A3GALT2: variants seen among roughly 807,000 people sequenced by gnomAD.
A3GALT2 encodes the protein alpha 1,3-galactosyltransferase 2.
Under a neutral mutation model 16.6 loss-of-function variants are expected in A3GALT2, and 14 were observed. That is an observed-to-expected ratio of 0.84 (90% CI 0.56 to 1.32). The LOEUF is 1.32. Ranked by LOEUF, A3GALT2 falls within the 40% of genes most tolerant of loss-of-function variation. The pLI, the probability that A3GALT2 is intolerant of heterozygous loss-of-function variation, is 0.00. For missense variants in A3GALT2, 600 were observed against 490.9 expected (o/e 1.22, Z -2.10); for synonymous variants, 253 against 218.0 (o/e 1.16, Z -1.42).
chr1:33,312,652 G>T, intron 2 of A3GALT2, 62 bp from the exon 3 acceptor site: 1 of 1,492,106 alleles, frequency 6.7e-7, no homozygotes, highest in Non-Finnish European at 9.1e-7. Context: ...CTGGCCAGGA[G>T]CCCTCTGGCT....
At chr1:33,310,368 G>T (rs1646227975) in intron 4 of A3GALT2, among the ~76,000 whole-genome samples, 1 of 152,112 alleles carries the variant, frequency 6.6e-6, no homozygotes, top group South Asian at 2.1e-4. Flanking sequence ...GGAAGACCGG[G>T]GAGAGGGAGA....
At chr1:33,313,382 AC>A (rs1646245970) in intron 1 of A3GALT2, 2 of 147,086 alleles carry the variant, frequency 1.4e-5, no homozygotes, top group Admixed American at 6.9e-5. Context: ...TATGTTGCCC[AC>A]GCTTGTCTCC....
chr1:33,311,885 T>A (rs1646234189), intron 4 of A3GALT2, among the ~76,000 whole-genome samples, 167 bp downstream of exon 4: 1 of 152,206 alleles, frequency 6.6e-6, no homozygotes, highest in Admixed American at 6.5e-5. Context: ...AGGAGAAGGA[T>A]GGTCCTGTGC....
intron 4 of A3GALT2, among the ~76,000 whole-genome samples, chr1:33,308,751 T>G (rs71647921): frequency 1.6e-5 from 1 of 61,814 alleles, no homozygotes; most frequent in Non-Finnish European, 2.9e-5. Context: ...GTCAAAGTTG[T>G]TTTTTTTTTT....
chr1:33,310,879 G>C (rs771419484), intron 4 of A3GALT2, among the ~76,000 whole-genome samples: 3 of 152,222 alleles, frequency 2.0e-5, no homozygotes, highest in Non-Finnish European at 4.4e-5. Context: ...GGCCTTGGGA[G>C]AGACGAAGGC....
rs746383920 is a variant in A3GALT2, at chr1:33,307,221, G to A, written c.568C>T (p.Arg190Cys). The A allele has an allele frequency of 2.0e-6, 3 of 1,500,962 alleles. No homozygotes were observed. Among genetic ancestry groups the A allele is most frequent in the Admixed American group, 2.2e-5 (1 of 44,840 alleles). 93.0% of individuals were successfully genotyped at this position (1,500,962 alleles called of 1,614,324 possible). A position where few individuals can be genotyped will look rare whatever the true frequency, so the allele number is the denominator to read the frequency against. ...LHAALGGLPG[R>C]EAHFMFCMDV... is the part of the protein sequence containing the mutation. ...ATGCAGAACATGAAGTGCGCCTCGC[G>A]GCCCGGCAGCCCGCCCAGCGCCGCG... is the stretch of plus-strand genomic sequence containing the variant. Residue 190 changes from arginine to cysteine, a missense_variant, in exon 5 of 5, where the codon CGC becomes TGC. Physicochemically the swap from Arg to Cys is radical, Grantham distance 180. Transcript: ENST00000442999.
Position 33,312,103 on chromosome 1 carries a change from TCTTG to T in A3GALT2, c.280_283del (p.Gln94ArgfsTer11). ...AATGGTGAGGTTCTGCTGTCTAGCCTCTTGCTTGGCCACATCTGGGTCGAAAGAG... is the reference window on the plus strand; with the variant it reads ...AATGGTGAGGTTCTGCTGTCTAGCCTCTTGGCCACATCTGGGTCGAAAGAG... On this transcript the variant is annotated frameshift_variant, in exon 4 of 5. Transcript: ENST00000442999. LOFTEE classifies it high-confidence loss of function. The T allele has an allele frequency of 6.2e-7, 1 of 1,613,706 alleles. No individual in the cohort carries two copies. The highest frequency in any genetic ancestry group is 8.5e-7 in the Non-Finnish European group (1 of 1,179,840).
chr1:33,314,496 G>C (rs954398893), intron 1 of A3GALT2: 4 of 152,310 alleles, frequency 2.6e-5, no homozygotes, highest in Admixed American at 6.5e-5. Flanking sequence ...AGAGTGCTGC[G>C]AACTGCCTTG....
Position 33,312,063 on chromosome 1 carries a change from A to C in A3GALT2, c.324T>G (p.Phe108Leu). 1 of 1,613,584 alleles carries C rather than the reference A, an allele frequency of 6.2e-7. No individual in the cohort carries two copies. The highest frequency in any genetic ancestry group is 8.5e-7 in the Non-Finnish European group (1 of 1,179,762). The change falls in exon 4 of 5, where the codon TTT becomes TTG. Residue 108 changes from phenylalanine (F) to leucine (L), a missense_variant. Coordinates refer to ENST00000442999, the MANE Select transcript of A3GALT2 (RefSeq NM_001080438.1). The part of the protein sequence containing the change: ...QQNLTIGLTI[F>L]AVGRYLEKYL... Reference sequence around the variant, plus strand: ...TTCCCAGGCCTTACCTGCCTACAGCAAAGATAGTCAGCCCAATGGTGAGGT... The same window carrying C: ...TTCCCAGGCCTTACCTGCCTACAGCCAAGATAGTCAGCCCAATGGTGAGGT...
intron 1 of A3GALT2, among the ~76,000 whole-genome samples, chr1:33,315,227 C>G (rs993069027): frequency 6.6e-6 from 1 of 152,042 alleles, no homozygotes; most frequent in Non-Finnish European, 1.5e-5. Flanking sequence ...ACTAAAAATA[C>G]AAAAATTAGC....
Position 33,312,555 on chromosome 1 carries a change from G to C in A3GALT2, c.143C>G (p.Pro48Arg). The change falls in exon 3 of 5, where the codon CCT (proline) becomes CGT (arginine). Residue 48 changes from proline to arginine, a missense_variant. Coordinates refer to ENST00000442999, the MANE Select transcript of A3GALT2 (RefSeq NM_001080438.1). Reference protein sequence around the residue: ...LEALIPMGVCPSATMSQLRDN... With the variant: ...LEALIPMGVCRSATMSQLRDN... The stretch of plus-strand genomic sequence containing the variant: ...TCTCAGCTGGGACATTGTGGCCGAA[G>C]GGCAGACGCCCATGGGGATGAGGGC... 6.2e-7 allele frequency: 1 copy of C among 1,602,538 alleles called. No homozygotes were observed.
chr1:33,311,913 G>A, intron 4 of A3GALT2, 139 bp downstream of exon 4: 1 of 1,269,362 alleles, frequency 7.9e-7, no homozygotes, highest in Non-Finnish European at 1.1e-6. Flanking sequence ...GGGGTGTGGG[G>A]CAAGAAGTGT....
At position 33,320,440 on chromosome 1, in the gene A3GALT2, C is replaced by T. The variant is rs1334178264; in HGVS notation, c.23+636G>A. 6.6e-6 allele frequency among the ~76,000 whole-genome samples: 1 copy of T among 152,034 alleles called. No individual in the cohort carries two copies. Among genetic ancestry groups the T allele is most frequent in the African/African-American group, 2.4e-5 (1 of 41,440 alleles). On this transcript the variant is annotated intron_variant, in intron 1 of 4. Transcript: ENST00000442999. This position sits in a 1 kb window ranked among gnomAD's most constrained non-coding sequence, Gnocchi z 4.3. ...AGTTGGTCTTGTGAACTCCTGTGGT[C>T]AGGCCTGGGAGGGTGCTGAGACCCA...
At chr1:33,313,890 C>A (rs940188996) in intron 1 of A3GALT2, among the ~76,000 whole-genome samples, 1 of 152,002 alleles carries the variant, frequency 6.6e-6, no homozygotes, top group Non-Finnish European at 1.5e-5. Context: ...ACAAGCTAAG[C>A]GTTGAGAACA....
At chr1:33,316,468 CAAA>C (rs902116058) in intron 1 of A3GALT2, among the ~76,000 whole-genome samples, 2 of 152,048 alleles carry the variant, frequency 1.3e-5, no homozygotes, top group Non-Finnish European at 2.9e-5. Flanking sequence ...AACCAACAAA[CAAA>C]AAAACCCTCC....
chr1:33,312,720 C>T (rs1646240679), intron 2 of A3GALT2, 87 bp downstream of exon 2: 9 of 1,449,826 alleles, frequency 6.2e-6, no homozygotes, highest in Non-Finnish European at 8.6e-6. Context: ...TAGCCACTGC[C>T]CTCCATCCCT....
chr1:33,312,503 G>T lies in A3GALT2; in HGVS notation c.195C>A (p.Pro65=). Residue 65 remains proline, a splice_region_variant and synonymous_variant, in exon 3 of 5, where the codon CCC becomes CCA. Coordinates refer to ENST00000442999, the MANE Select transcript of A3GALT2 (RefSeq NM_001080438.1). ...TAGGAGGGATGGGAGCTTCTTACCA[G>T]GGACGCAGGGCACCTGTGAAGTTGT... ...LRDNFTGALR[P]WARPEVLTCT... is the part of the protein sequence containing the mutation. 2.5e-6 allele frequency: 4 copies of T among 1,589,086 alleles called. No individual in the cohort carries two copies. Among genetic ancestry groups the T allele is most frequent in the Non-Finnish European group, 2.6e-6 (3 of 1,166,740 alleles).
rs1332772400 is a variant in A3GALT2, at chr1:33,306,834, G to A, written c.955C>T (p.Pro319Ser). The change falls in exon 5 of 5, where the codon CCG becomes TCG. Residue 319 changes from proline to serine, a missense_variant. Coordinates refer to ENST00000442999, the MANE Select transcript of A3GALT2 (RefSeq NM_001080438.1). ...PEFCWSPDIG[P>S]RAEIRRPRLL... ...CGCGGGCGGCGGATCTCGGCCCGCG[G>A]GCCGATGTCCGGGCTCCAGCAGAAC... 2 of 1,497,794 alleles carry A rather than the reference G, an allele frequency of 1.3e-6. No individual in the cohort carries two copies. Among genetic ancestry groups the A allele is most frequent in the Non-Finnish European group, 1.8e-6 (2 of 1,130,338 alleles). 92.8% of individuals were successfully genotyped at this position (1,497,794 alleles called of 1,614,324 possible).
chr1:33,306,812 G>C lies in A3GALT2; in HGVS notation c.977C>G (p.Pro326Arg). 1 of 1,473,088 alleles carries C rather than the reference G, an allele frequency of 6.8e-7. No individual in the cohort carries two copies. Among genetic ancestry groups the C allele is most frequent in the Non-Finnish European group, 8.9e-7 (1 of 1,119,274 alleles). The allele number at this position is 1,473,088 out of a possible 1,614,324, so 91.3% of individuals were successfully genotyped here. The change falls in exon 5 of 5, where the codon CCG becomes CGG. Residue 326 changes from proline to arginine, a missense_variant. Transcript: ENST00000442999. Reference protein sequence around the residue: ...DIGPRAEIRRPRLLWAPKGYR... With the variant: ...DIGPRAEIRRRRLLWAPKGYR... ...CCCCTTGGGCGCCCACAGCAGTCGC[G>C]GGCGGCGGATCTCGGCCCGCGGGCC...
Sources: gnomAD v4.1 joint callset for allele counts (sites outside exome capture counted in the v4.1 genomes callset) on GRCh38, gnomAD v4.1.1 for gene constraint, Gnocchi (gnomAD v3.1) non-coding constraint, MANE v1.5 for transcripts, NCBI Gene and HGNC (gene_info 2026-07-23, HGNC 2026-07-21) for gene names.